Variants in TBC1D2B observed in about 807,000 individuals in gnomAD.
TBC1D2B encodes TBC1 domain family member 2B.
TBC1D2B carries 64 observed loss-of-function variants against 100.8 expected under a neutral mutation model. The observed-to-expected ratio is 0.64, with a 90% CI of 0.52 to 0.78. The LOEUF is 0.78. Ranked by LOEUF, TBC1D2B falls within the 30% of genes least tolerant of loss-of-function variation. The pLI, the probability that TBC1D2B is intolerant of heterozygous loss-of-function variation, is 0.00. For synonymous variants in TBC1D2B, 480 were observed against 479.7 expected, an observed-to-expected ratio of 1.00 and a Z score of -0.01; for missense variants, 1,052 against 1,218.4, an observed-to-expected ratio of 0.86 and a Z score of 2.03.
chr15:78,040,820 AAAG>A (rs1156594314), intron 3 of TBC1D2B, among the ~76,000 whole-genome samples: 1 of 123,942 alleles, frequency 8.1e-6, no homozygotes, highest in Non-Finnish European at 1.8e-5. Flanking sequence ...AAAAAGCAAG[AAAG>A]AAGGAAAGAA....
At chr15:78,009,906 C>T (rs1463549550) in intron 9 of TBC1D2B, among the ~76,000 whole-genome samples, 2 of 146,312 alleles carry the variant, frequency 1.4e-5, no homozygotes, top group African/African-American at 2.6e-5. Flanking sequence ...ACCCGGGAGG[C>T]AGAGCTTGCA....
intron 1 of TBC1D2B, among the ~76,000 whole-genome samples, chr15:78,063,172 G>C (rs775341764): frequency 6.6e-6 from 1 of 151,436 alleles, no homozygotes; most frequent in Admixed American, 6.6e-5. Flanking sequence ...CAAAGTACTC[G>C]TGTATCAACT....
intron 12 of TBC1D2B, 102 bp downstream of exon 12, chr15:78,001,517 G>C (rs1439595345): frequency 7.2e-7 from 1 of 1,381,308 alleles, no homozygotes; most frequent in Non-Finnish European, 9.6e-7. Context: ...TGTACACCGG[G>C]GATGGCTCTG....
In TBC1D2B at chr15:78,001,640, G is replaced by C; in HGVS notation, c.2675C>G (p.Thr892Ser). Reference protein sequence around the residue: ...MSIFKYLRYFTRTILDARKLI... With the variant: ...MSIFKYLRYFSRTILDARKLI... ...TCACCTAGCATCAAGGATAGTGCGA[G>C]TGAAGTAGCGGAGATACTTAAATAT... is the stretch of plus-strand genomic sequence containing the variant. The change falls in exon 12 of 13, where the codon ACT becomes AGT. Residue 892 changes from threonine to serine, a missense_variant. This residue lies in a region of TBC1D2B where 373 missense variants were observed against 464.9 expected (regional missense o/e 0.80). Transcript: ENST00000300584. 6.2e-7 allele frequency: 1 copy of C among 1,609,306 alleles called. No individual in the cohort carries two copies. The highest frequency in any genetic ancestry group is 8.5e-7 in the Non-Finnish European group (1 of 1,177,856).
In TBC1D2B at chr15:78,072,520, G is replaced by A. The variant is rs1567037205; in HGVS notation, c.360+4773C>T. On this transcript the variant is annotated intron_variant, in intron 1 of 12. Coordinates refer to ENST00000300584, the MANE Select transcript of TBC1D2B (RefSeq NM_144572.2). ...TGAAAACAATATGATTACCCAAGCC[G>A]ACAAATGTTTGTCATTAAGAGAAAT... 2.0e-5 allele frequency among the ~76,000 whole-genome samples: 3 copies of A among 152,330 alleles called. No individual in the cohort carries two copies. In the South Asian group the frequency reaches 6.2e-4, roughly 32 times the overall value.
intron 12 of TBC1D2B, 81 bp from the exon 13 acceptor site, chr15:77,998,436 G>A: frequency 7.4e-7 from 1 of 1,357,106 alleles, no homozygotes; most frequent in Non-Finnish European, 1.0e-6. Flanking sequence ...GGCATAGCAG[G>A]TGGCCTGGGG....
intron 9 of TBC1D2B, 86 bp downstream of exon 9, chr15:78,012,737 A>T: frequency 7.4e-7 from 1 of 1,354,232 alleles, no homozygotes. Flanking sequence ...TTCTTGGCCA[A>T]CCAGGAAGGG....
intron 3 of TBC1D2B, 120 bp from the exon 4 acceptor site, chr15:78,030,290 C>T (rs555866688): frequency 1.8e-5 from 15 of 850,284 alleles, no homozygotes; most frequent in East Asian, 8.9e-5. Context: ...GGTGAGGATA[C>T]GGAGAAATGG....
intron 9 of TBC1D2B, among the ~76,000 whole-genome samples, chr15:78,010,160 G>A (rs1596308347): frequency 6.6e-6 from 1 of 152,166 alleles, no homozygotes; most frequent in Admixed American, 6.5e-5. Flanking sequence ...AAAATGGGCT[G>A]CAGATGAGGG....
Position 78,016,686 on chromosome 15 carries a change from C to T in TBC1D2B, c.1635G>A (p.Leu545=). 2.5e-6 allele frequency: 4 copies of T among 1,602,070 alleles called. No individual in the cohort carries two copies. The highest frequency in any genetic ancestry group is 3.4e-6 in the Non-Finnish European group (4 of 1,175,330). Residue 545 remains leucine (L), a synonymous_variant, in exon 8 of 13, where the codon TTG becomes TTA. Coordinates refer to ENST00000300584, the MANE Select transcript of TBC1D2B (RefSeq NM_144572.2). Reference sequence around the variant, plus strand: ...ACACTGGTGTCTTCATTTCTTGGAGCAATATCAGGTATTTACTTTCTATCT... The same window carrying T: ...ACACTGGTGTCTTCATTTCTTGGAGTAATATCAGGTATTTACTTTCTATCT... ...LCQIESKYLI[L]LQEMKTPVCS... is the part of the protein sequence containing the mutation.
chr15:78,008,308 C>T (rs1255346810), intron 10 of TBC1D2B, among the ~76,000 whole-genome samples: 1 of 152,240 alleles, frequency 6.6e-6, no homozygotes, highest in African/African-American at 2.4e-5. Flanking sequence ...GCCACTCAGA[C>T]TCCCACTGCA....
At chr15:78,041,650 T>A (rs150154570) in intron 3 of TBC1D2B, among the ~76,000 whole-genome samples, 192 of 152,314 alleles carry the variant, frequency 1.3e-3, no homozygotes, top group African/African-American at 4.5e-3. Context: ...TCTGTGCACC[T>A]AAGGCATTTT....
chr15:78,065,882 A>G (rs1388147890), intron 1 of TBC1D2B: 1 of 373,890 alleles, frequency 2.7e-6, no homozygotes, highest in Non-Finnish European at 6.1e-6. Flanking sequence ...CTTTCAGTGA[A>G]TTTACAGGAA....
chr15:78,077,356 C>T lies in TBC1D2B; in HGVS notation c.297G>A (p.Glu99=). The T allele has an allele frequency of 1.3e-6, 2 of 1,539,172 alleles. No homozygotes were observed. Among genetic ancestry groups the T allele is most frequent in the South Asian group, 1.2e-5 (1 of 82,964 alleles). ...FSYQGPDEAA[E]PGTEPPAHFQ... ...AGTGCGCGGGCGGCTCCGTGCCCGGCTCCGCCGCCTCGTCGGGGCCCTGGT... is the reference window on the plus strand; with the variant it reads ...AGTGCGCGGGCGGCTCCGTGCCCGGTTCCGCCGCCTCGTCGGGGCCCTGGT... Residue 99 remains glutamate (E), a synonymous_variant, in exon 1 of 13, where the codon GAG becomes GAA. Transcript: ENST00000300584.
rs551042875 is a variant in TBC1D2B, at chr15:78,063,504, T to C, written c.361-9317A>G. Among the ~76,000 whole-genome samples, 63 of 152,270 alleles carry C rather than the reference T, an allele frequency of 4.1e-4. No homozygotes were observed. The South Asian group carries it at 0.013, about 31-fold the overall frequency. On this transcript the variant is annotated intron_variant, in intron 1 of 12. Coordinates refer to ENST00000300584, the MANE Select transcript of TBC1D2B (RefSeq NM_144572.2). ...CAAAGTTCAAATAAAAGCCTCTAGG[T>C]TGGCTTCAGGGACAAATAAAACTAT...
At chr15:78,009,553 AAGG>A (rs1352660674) in intron 9 of TBC1D2B, among the ~76,000 whole-genome samples, 1 of 151,994 alleles carries the variant, frequency 6.6e-6, no homozygotes, top group East Asian at 1.9e-4. Flanking sequence ...AAAAAAAAAA[AAGG>A]AGGGGGTGCA....
intron 6 of TBC1D2B, among the ~76,000 whole-genome samples, chr15:78,022,974 A>G (rs1335935900): frequency 6.6e-6 from 1 of 152,176 alleles, no homozygotes; most frequent in Non-Finnish European, 1.5e-5. Flanking sequence ...GTTGTCAGTG[A>G]GAAGTGGTCA....
At position 78,014,187 on chromosome 15, in the gene TBC1D2B, T is replaced by A. The variant is rs1356935652; in HGVS notation, c.1776-870A>T. Among the ~76,000 whole-genome samples, 3 of 152,204 alleles carry A rather than the reference T, an allele frequency of 2.0e-5. No homozygotes were observed. The South Asian group carries it at 6.2e-4, about 31-fold the overall frequency. On this transcript the variant is annotated intron_variant, in intron 8 of 12. Coordinates refer to ENST00000300584, the MANE Select transcript of TBC1D2B (RefSeq NM_144572.2). ...CTTCAGAAAAAAATGCAGCCCTTAA[T>A]TAAACTTGGATTTTAATCCAATGAG...
chr15:78,024,752 A>G (rs1596314421), intron 5 of TBC1D2B, among the ~76,000 whole-genome samples: 1 of 152,378 alleles, frequency 6.6e-6, no homozygotes, highest in South Asian at 2.1e-4. Context: ...GAGAACAGTA[A>G]TAGGAAACAG....
Sources: allele counts gnomAD v4.1 joint callset (sites outside exome capture counted in the v4.1 genomes callset), GRCh38; gene constraint gnomAD v4.1.1; regional missense constraint gnomAD v4.1.1; transcripts MANE v1.5; gene names NCBI Gene and HGNC (gene_info 2026-07-23, HGNC 2026-07-21).